Variants in RBFOX1 observed in about 807,000 individuals in gnomAD.
RBFOX1 encodes RNA binding protein fox-1 homolog 1.
RBFOX1 carries 8 observed loss-of-function variants against 57.7 expected under a neutral mutation model. That is an observed-to-expected ratio of 0.14 (90% CI 0.08 to 0.25). RBFOX1 has a LOEUF of 0.25. Ranked by LOEUF, RBFOX1 falls within the 10% of genes least tolerant of loss-of-function variation. RBFOX1 has a pLI of 1.00. For missense variants in RBFOX1, 611 were observed against 548.5 expected (o/e 1.11, Z -1.14); for synonymous variants, 326 against 222.4 (o/e 1.47, Z -4.15).
intron 4 of RBFOX1, among the ~76,000 whole-genome samples, chr16:7,163,061 T>C (rs2078708911): frequency 6.6e-6 from 1 of 152,222 alleles, no homozygotes; most frequent in African/African-American, 2.4e-5. Flanking sequence ...ATTATGCCCA[T>C]CTTGTTTATC....
intron 4 of RBFOX1, among the ~76,000 whole-genome samples, chr16:7,305,752 G>A (rs1177949834): frequency 6.6e-6 from 1 of 152,136 alleles, no homozygotes; most frequent in Non-Finnish European, 1.5e-5. Flanking sequence ...TCTGTTGCAT[G>A]TCTTTTTGAG....
At chr16:6,924,735 G>T (rs1448213303) in intron 3 of RBFOX1, among the ~76,000 whole-genome samples, 1 of 151,264 alleles carries the variant, frequency 6.6e-6, no homozygotes, top group South Asian at 2.1e-4. Context: ...CAACGTGCAG[G>T]TTTGTTACAT....
At chr16:7,432,466 G>T (rs2098689740) in intron 4 of RBFOX1, among the ~76,000 whole-genome samples, 1 of 152,144 alleles carries the variant, frequency 6.6e-6, no homozygotes, top group African/African-American at 2.4e-5. Context: ...TGTCACTCAG[G>T]TTGCATTGCA....
intron 3 of RBFOX1, among the ~76,000 whole-genome samples, chr16:5,609,795 C>G (rs1596442762): frequency 1.3e-5 from 2 of 148,444 alleles, no homozygotes; most frequent in Admixed American, 6.9e-5. Flanking sequence ...TATCGGCCAC[C>G]TACTTTGTGC....
chr16:5,534,153 G>T (rs373792758), intron 2 of RBFOX1, among the ~76,000 whole-genome samples: 1 of 152,070 alleles, frequency 6.6e-6, no homozygotes, highest in Non-Finnish European at 1.5e-5. Flanking sequence ...AGGTGCCTAG[G>T]GTGTCATAGG....
At chr16:7,213,384 G>A (rs2091496531) in intron 4 of RBFOX1, among the ~76,000 whole-genome samples, 1 of 152,158 alleles carries the variant, frequency 6.6e-6, no homozygotes, top group Non-Finnish European at 1.5e-5. Flanking sequence ...ATTTCTTTAA[G>A]TTCCCAGTGT....
At chr16:7,318,801 G>T (rs901289065) in intron 4 of RBFOX1, among the ~76,000 whole-genome samples, 2 of 152,140 alleles carry the variant, frequency 1.3e-5, no homozygotes, top group Non-Finnish European at 2.9e-5. Flanking sequence ...ATCTCTCCAT[G>T]TGTTCTGCGT....
rs4786097 is a variant in RBFOX1 at position 6,400,629 on chromosome 16, A to G, written c.-64+83572A>G. 2.6e-3 allele frequency among the ~76,000 whole-genome samples: 389 copies of G among 152,360 alleles called. 3 individuals carry two copies. Among genetic ancestry groups the G allele is most frequent in the Admixed American group, 0.017 (265 of 15,308 alleles). On this transcript the variant is annotated intron_variant, in intron 2 of 15. Coordinates refer to ENST00000550418, the MANE Select transcript of RBFOX1 (RefSeq NM_018723.4). ...CTGGGCCTTGTAGCTCATGCCTGTAATCCCAGCACTGTGGGAGGCTGAGGC... is the reference window on the plus strand; with the variant it reads ...CTGGGCCTTGTAGCTCATGCCTGTAGTCCCAGCACTGTGGGAGGCTGAGGC...
intron 4 of RBFOX1, among the ~76,000 whole-genome samples, chr16:7,269,745 T>G (rs2095270987): frequency 6.6e-6 from 1 of 152,202 alleles, no homozygotes; most frequent in Admixed American, 6.5e-5. Context: ...TTGTTTACAT[T>G]TTTGAATATT....
At chr16:5,634,737 C>T (rs1020631669) in intron 3 of RBFOX1, among the ~76,000 whole-genome samples, 10 of 152,330 alleles carry the variant, frequency 6.6e-5, no homozygotes, top group African/African-American at 2.2e-4. Context: ...AGCGTATTCT[C>T]TCCATTTCTC....
chr16:5,389,635 C>G (rs975672932), intron 1 of RBFOX1, among the ~76,000 whole-genome samples: 31 of 151,880 alleles, frequency 2.0e-4, no homozygotes, highest in Non-Finnish European at 3.4e-4. Flanking sequence ...CCTTCCCTCT[C>G]TCTTTCCATC....
intron 1 of RBFOX1, among the ~76,000 whole-genome samples, chr16:5,322,480 A>G (rs2049694): frequency 0.74 from 113,000 of 152,078 alleles, 45,285 homozygotes; most frequent in South Asian, 0.89. Context: ...TGTGGCTGCC[A>G]GTTTCTCATG....
chr16:6,525,490 A>G (rs915274168), intron 2 of RBFOX1, among the ~76,000 whole-genome samples: 4 of 152,226 alleles, frequency 2.6e-5, no homozygotes, highest in Admixed American at 6.5e-5. Context: ...GAGCAAATGC[A>G]TGTTTCACTT....
At chr16:6,427,613 A>T (rs2093966703) in intron 2 of RBFOX1, among the ~76,000 whole-genome samples, 1 of 152,182 alleles carries the variant, frequency 6.6e-6, no homozygotes, top group African/African-American at 2.4e-5. Flanking sequence ...GTTGAGGAGG[A>T]CGTGGAGCTG....
Position 6,902,846 on chromosome 16 carries a change from A to G in RBFOX1, c.-15-149211A>G, listed in dbSNP as rs889501663. On this transcript the variant is annotated intron_variant, in intron 3 of 15. Transcript: ENST00000550418. Reference sequence around the variant, plus strand: ...ATTGTACACTGTTTTCCATCTGTTCATTTATTTATTTATAGATTGTTTCAT... The same window carrying G: ...ATTGTACACTGTTTTCCATCTGTTCGTTTATTTATTTATAGATTGTTTCAT... Among the ~76,000 whole-genome samples the G allele has an allele frequency of 7.2e-5, 11 of 152,138 alleles. 1 individual carries two copies. The highest frequency in any genetic ancestry group is 2.0e-4 in the Admixed American group (3 of 15,278).
intron 4 of RBFOX1, among the ~76,000 whole-genome samples, chr16:7,065,333 C>A (rs2346253): frequency 6.6e-6 from 1 of 151,888 alleles, no homozygotes; most frequent in Non-Finnish European, 1.5e-5. Context: ...TTCAGGTGCA[C>A]GTCTCATCTT....
At chr16:6,142,089 CT>C (rs2096720589) in intron 1 of RBFOX1, among the ~76,000 whole-genome samples, 1 of 130,384 alleles carries the variant, frequency 7.7e-6, no homozygotes, top group Non-Finnish European at 1.5e-5. Context: ...AATACTGCTT[CT>C]TGCTTCTGGC....
intron 3 of RBFOX1, among the ~76,000 whole-genome samples, chr16:6,935,561 C>T (rs999825109): frequency 6.6e-6 from 1 of 152,180 alleles, no homozygotes; most frequent in Non-Finnish European, 1.5e-5. Flanking sequence ...CAGCCAAGAT[C>T]TGTTATCCTT....
intron 3 of RBFOX1, among the ~76,000 whole-genome samples, chr16:6,766,203 G>A (rs2077305258): frequency 6.6e-6 from 1 of 151,868 alleles, no homozygotes; most frequent in Non-Finnish European, 1.5e-5. Flanking sequence ...ATGAATAAGA[G>A]CCCTTCAGTC....
Sources: allele counts gnomAD v4.1 joint callset (sites outside exome capture counted in the v4.1 genomes callset), GRCh38; gene constraint gnomAD v4.1.1; transcripts MANE v1.5; gene names NCBI Gene and HGNC (gene_info 2026-07-23, HGNC 2026-07-21).